Variants in NFIB observed in about 807,000 individuals in gnomAD.
NFIB encodes nuclear factor I B.
Under a neutral mutation model 61.5 loss-of-function variants are expected in NFIB, and 11 were observed. The observed-to-expected ratio is 0.18, with a 90% confidence interval of 0.11 to 0.30. The LOEUF (loss-of-function observed/expected upper bound fraction) is 0.30, where lower values mean the gene tolerates loss of function less well. NFIB is among the 10% of genes least tolerant of loss of function. The probability of loss-of-function intolerance (pLI) is 1.00; values close to 1 mark genes in which losing one functional copy is unlikely to be tolerated. For missense variants in NFIB, 471 were observed against 608.9 expected, an observed-to-expected ratio of 0.77 and a Z score of 2.38; for synonymous variants, 260 against 216.5, an observed-to-expected ratio of 1.20 and a Z score of -1.76.
intron 1 of NFIB, among the ~76,000 whole-genome samples, chr9:14,395,726 C>CTT (rs35417792): frequency 0.058 from 3,806 of 65,726 alleles, 545 homozygotes; most frequent in Non-Finnish European, 0.078. Context: ...ATTCTTTTGA[C>CTT]TTTTTTTTTT....
intron 2 of NFIB, among the ~76,000 whole-genome samples, chr9:14,231,832 G>A (rs560564938): frequency 6.6e-6 from 1 of 152,298 alleles, no homozygotes; most frequent in South Asian, 2.1e-4. Flanking sequence ...TTAAGCTCCA[G>A]TTAACAAAAA....
In NFIB at chr9:14,332,349, A is replaced by C. The variant is rs10961478; in HGVS notation, c.109-24829T>G. Among the ~76,000 whole-genome samples the C allele has an allele frequency of 2.1e-3, 322 of 150,912 alleles. 3 individuals are homozygous for C. The highest frequency in any genetic ancestry group is 7.7e-3 in the African/African-American group (315 of 41,116). The stretch of plus-strand genomic sequence containing the variant: ...CTCCGTCAAAAAAAAAAAAAAAAAA[A>C]ACACACAAGAAGAATCTCCCTAGCT... On this transcript the variant is annotated intron_variant, in intron 1 of 8. Coordinates refer to the NFIB transcript ENST00000380934.
At chr9:14,094,753 AG>A (rs2034516321) in intron 10 of NFIB, among the ~76,000 whole-genome samples, 1 of 152,158 alleles carries the variant, frequency 6.6e-6, no homozygotes, top group South Asian at 2.1e-4. Flanking sequence ...GTAATGAAAG[AG>A]AAACATATTT....
rs112158306 is a variant in NFIB, at chr9:14,356,623, G to C, written c.108+41901C>G. 7.3e-3 allele frequency among the ~76,000 whole-genome samples: 1,110 copies of C among 152,116 alleles called. 8 individuals are homozygous for C. The highest frequency in any genetic ancestry group is 0.024 in the African/African-American group (1,013 of 41,488). ...CTCCTGTTTTTTGCCTGGGGTTTAC[G>C]AGCAGGACTCCTCTCTTGCACTCCA... is the stretch of plus-strand genomic sequence containing the variant. On this transcript the variant is annotated intron_variant, in intron 1 of 8. Transcript: ENST00000380934.
chr9:14,402,095 G>C (rs2061748240), upstream of NFIB, among the ~76,000 whole-genome samples: 1 of 152,136 alleles, frequency 6.6e-6, no homozygotes, highest in African/African-American at 2.4e-5. Flanking sequence ...AGACAGAAGG[G>C]GGAGAAAGCC....
chr9:14,352,649 A>G (rs1283756825), intron 1 of NFIB, among the ~76,000 whole-genome samples: 1 of 152,204 alleles, frequency 6.6e-6, no homozygotes, highest in South Asian at 2.1e-4. Flanking sequence ...TGCTGTTTCT[A>G]CGCTGTACTA....
At chr9:14,117,932 G>A (rs1387541567) in intron 8 of NFIB, among the ~76,000 whole-genome samples, 1 of 152,092 alleles carries the variant, frequency 6.6e-6, no homozygotes. Context: ...GTGCAGTGCT[G>A]GAGAATATTG....
intron 3 of NFIB, among the ~76,000 whole-genome samples, chr9:14,164,428 C>T (rs768961782): frequency 8.5e-5 from 13 of 152,112 alleles, no homozygotes; most frequent in African/African-American, 3.1e-4. Context: ...GTACTGATAC[C>T]GTAGGGGATT....
rs532180114 is a variant in NFIB at position 14,303,431 on chromosome 9, G to A, written c.562+3558C>T. Among the ~76,000 whole-genome samples the A allele has an allele frequency of 2.0e-5, 3 of 152,270 alleles. No homozygotes were observed. The South Asian group carries it at 6.2e-4, about 32-fold the overall frequency. On this transcript the variant is annotated intron_variant, in intron 2 of 10. Coordinates refer to ENST00000380953, the MANE Select transcript of NFIB (RefSeq NM_001190737.2). ...ATGAATGCAGTAACAAAGGCAATAT[G>A]GGGAATAGGTAACACCTGCCCAAGA...
At chr9:14,126,921 G>A (rs1237344609) in intron 6 of NFIB, among the ~76,000 whole-genome samples, 2 of 152,194 alleles carry the variant, frequency 1.3e-5, no homozygotes, top group African/African-American at 2.4e-5. Context: ...ACACACTGGT[G>A]AACTGGACTC....
At chr9:14,229,716 G>A (rs2052881726) in intron 2 of NFIB, among the ~76,000 whole-genome samples, 1 of 151,930 alleles carries the variant, frequency 6.6e-6, no homozygotes, top group South Asian at 2.1e-4. Context: ...CGGGCTTCAG[G>A]GCCCAGTGCA....
intron 2 of NFIB, among the ~76,000 whole-genome samples, chr9:14,284,967 G>T (rs941961380): frequency 2.6e-5 from 4 of 152,084 alleles, no homozygotes; most frequent in Non-Finnish European, 4.4e-5. Flanking sequence ...CAATTTCAAG[G>T]TCTCCTACAT....
intron 10 of NFIB, chr9:14,102,554 T>C: frequency 6.7e-7 from 1 of 1,498,036 alleles, no homozygotes; most frequent in Non-Finnish European, 9.1e-7. Flanking sequence ...CGAGCAGTAC[T>C]ACAGTTTTTA....
chr9:14,180,575 C>G (rs1289612507), intron 2 of NFIB: 1 of 152,260 alleles, frequency 6.6e-6, no homozygotes, highest in African/African-American at 2.4e-5. Flanking sequence ...TGATCTGACA[C>G]TGTTGTGTTT....
At chr9:14,367,190 G>A (rs2132959812) in intron 1 of NFIB, among the ~76,000 whole-genome samples, 1 of 152,236 alleles carries the variant, frequency 6.6e-6, no homozygotes, top group Admixed American at 6.5e-5. Context: ...AAGATAATGT[G>A]CATTCTTTCA....
chr9:14,485,878 A>G, the NFIB span, among the ~76,000 whole-genome samples: 1 of 151,938 alleles, frequency 6.6e-6, no homozygotes, highest in African/African-American at 2.4e-5. Flanking sequence ...CTGTCTCAAA[A>G]ACAAAACACA....
the NFIB span, among the ~76,000 whole-genome samples, chr9:14,501,037 C>T: frequency 3.3e-5 from 5 of 152,202 alleles, no homozygotes; most frequent in African/African-American, 1.2e-4. Context: ...TTTAGACCCA[C>T]TCTGAGCACA....
intron 10 of NFIB, among the ~76,000 whole-genome samples, chr9:14,105,626 G>T (rs1429978672): frequency 6.6e-6 from 1 of 152,048 alleles, no homozygotes; most frequent in African/African-American, 2.4e-5. Flanking sequence ...GGTGGGGGAT[G>T]CAATTAAATC....
At position 14,116,214 on chromosome 9, in the gene NFIB, T is replaced by C. The variant is rs1256603891; in HGVS notation, c.1378A>G (p.Thr460Ala). 2 of 1,511,200 alleles carry C rather than the reference T, an allele frequency of 1.3e-6. No individual in the cohort carries two copies. The highest frequency in any genetic ancestry group is 4.3e-5 in the Admixed American group (2 of 46,888). 93.6% of individuals were successfully genotyped at this position (1,511,200 alleles called of 1,614,324 possible). A position where few individuals can be genotyped will look rare whatever the true frequency, so the allele number is the denominator to read the frequency against. The change falls in exon 9 of 11, where the codon ACT (threonine) becomes GCT (alanine). Residue 460 changes from threonine to alanine, a missense_variant. Physicochemically the swap from Thr to Ala is moderately conservative, Grantham distance 58. This residue lies in a region of NFIB where 372 missense variants were observed against 395.6 expected (regional missense o/e 0.94). Transcript: ENST00000380953. ...MTDTKPITTS[T>A]EAYTASGTSQ... ...GTAGGTGAAGCTGCCTCACCTTCAG[T>C]GGATGTAGTGATGGGTTTAGTATCT...
Sources: allele counts gnomAD v4.1 joint callset (sites outside exome capture counted in the v4.1 genomes callset), GRCh38; gene constraint gnomAD v4.1.1; regional missense constraint gnomAD v4.1.1; transcripts MANE v1.5; gene names NCBI Gene and HGNC (gene_info 2026-07-23, HGNC 2026-07-21).